Variants in ADAMTSL1 observed in about 807,000 individuals in gnomAD.
The protein encoded by ADAMTSL1 is ADAMTS like 1, also known as ADAMTS-like protein 1.
In ADAMTSL1, 126 loss-of-function variants were observed where a neutral mutation model predicts 201.8. That is an observed-to-expected ratio of 0.62 (90% CI 0.54 to 0.72). The LOEUF (loss-of-function observed/expected upper bound fraction) is 0.72, where lower values mean the gene tolerates loss of function less well. Ranked by LOEUF, ADAMTSL1 falls within the 30% of genes least tolerant of loss-of-function variation. The pLI is 0.00. For missense variants in ADAMTSL1, 2,679 were observed against 2,277.8 expected, an observed-to-expected ratio of 1.18 and a Z score of -3.59; for synonymous variants, 1,121 against 903.4, an observed-to-expected ratio of 1.24 and a Z score of -4.32.
intron 1 of ADAMTSL1, among the ~76,000 whole-genome samples, chr9:18,054,664 G>T (rs1022694187): frequency 1.3e-5 from 2 of 152,242 alleles, no homozygotes; most frequent in Admixed American, 6.5e-5. Flanking sequence ...AGCTCAGAAA[G>T]ATGAAGTGAC....
intron 2 of ADAMTSL1, among the ~76,000 whole-genome samples, chr9:18,447,581 C>G (rs758547950): frequency 6.6e-6 from 1 of 152,156 alleles, no homozygotes; most frequent in Non-Finnish European, 1.5e-5. Context: ...ATGGGGGAAT[C>G]AGGCTGTTAG....
At chr9:18,030,189 C>T (rs1299387933) in intron 1 of ADAMTSL1, among the ~76,000 whole-genome samples, 1 of 152,192 alleles carries the variant, frequency 6.6e-6, no homozygotes, top group African/African-American at 2.4e-5. Flanking sequence ...AAATGTGGCA[C>T]ATATACACCA....
intron 1 of ADAMTSL1, among the ~76,000 whole-genome samples, chr9:18,096,776 C>T (rs1207528631): frequency 6.6e-6 from 1 of 152,138 alleles, no homozygotes; most frequent in Admixed American, 6.5e-5. Flanking sequence ...CTCAAGTCCC[C>T]TTTCAAGTTA....
At chr9:17,908,789 A>G (rs1027096615) in intron 1 of ADAMTSL1, among the ~76,000 whole-genome samples, 7 of 152,196 alleles carry the variant, frequency 4.6e-5, no homozygotes, top group African/African-American at 1.7e-4. Context: ...TCATGGCCCC[A>G]TGTGTCTTTA....
chr9:18,068,396 A>G (rs1447561785), intron 1 of ADAMTSL1, among the ~76,000 whole-genome samples: 1 of 152,228 alleles, frequency 6.6e-6, no homozygotes, highest in Non-Finnish European at 1.5e-5. Context: ...ATTAGGTATT[A>G]TAAGTAATCT....
chr9:18,255,754 C>T (rs1831656976), intron 2 of ADAMTSL1, among the ~76,000 whole-genome samples: 2 of 152,248 alleles, frequency 1.3e-5, no homozygotes, highest in East Asian at 1.9e-4. Flanking sequence ...ATCGTTCTGT[C>T]GAAATCCCAC....
rs751661472 is a variant in ADAMTSL1 at position 18,889,672 on chromosome 9, A to G, written c.4567A>G (p.Asn1523Asp). 22 of 1,606,304 alleles carry G rather than the reference A, an allele frequency of 1.4e-5. No individual in the cohort carries two copies. Among genetic ancestry groups the G allele is most frequent in the Non-Finnish European group, 1.7e-5 (20 of 1,176,200 alleles). Residue 1523 changes from asparagine to aspartate, a missense_variant, in exon 25 of 29, where the codon AAC becomes GAC. Asn to Asp is a conservative substitution (Grantham distance 23). Transcript: ENST00000380548. Reference sequence around the variant, plus strand: ...GTGCCTGCTGAACAGCACGGAGGTCAACCCTGCCCACTGCGCAGGGAAGGT... The same window carrying G: ...GTGCCTGCTGAACAGCACGGAGGTCGACCCTGCCCACTGCGCAGGGAAGGT... The part of the protein sequence containing the change: ...LRCLLNSTEV[N>D]PAHCAGKVRP...
At chr9:18,314,578 T>C (rs954024846) in intron 2 of ADAMTSL1, among the ~76,000 whole-genome samples, 24 of 151,758 alleles carry the variant, frequency 1.6e-4, no homozygotes, top group African/African-American at 5.6e-4. Flanking sequence ...CGTCTGGAGT[T>C]GTTCATCCCT....
intron 1 of ADAMTSL1, among the ~76,000 whole-genome samples, chr9:18,043,570 C>T (rs1821523312): frequency 6.6e-6 from 1 of 151,932 alleles, no homozygotes; most frequent in Non-Finnish European, 1.5e-5. Context: ...TAGGCCTAAC[C>T]CCTACCCCAG....
chr9:18,231,422 C>G (rs112141647), intron 2 of ADAMTSL1, among the ~76,000 whole-genome samples: 1,543 of 152,260 alleles, frequency 0.01, 22 homozygotes, highest in African/African-American at 0.035. Context: ...GACAGGTTGA[C>G]CAACCCCTCC....
chr9:18,905,696 A>G, intron 26 of ADAMTSL1, 86 bp from the exon 27 acceptor site: 1 of 992,654 alleles, frequency 1.0e-6, no homozygotes, highest in Non-Finnish European at 1.5e-6. Flanking sequence ...CTACACAAGG[A>G]TCGTGCATGC....
chr9:18,004,489 C>G (rs1819737891), intron 1 of ADAMTSL1, among the ~76,000 whole-genome samples: 2 of 152,026 alleles, frequency 1.3e-5, no homozygotes, highest in African/African-American at 2.4e-5. Context: ...AGGCGGGGAC[C>G]TGCCACATGC....
At chr9:18,366,036 G>A (rs1486713567) in intron 2 of ADAMTSL1, among the ~76,000 whole-genome samples, 1 of 152,022 alleles carries the variant, frequency 6.6e-6, no homozygotes, top group Non-Finnish European at 1.5e-5. Context: ...AGTCTCTGGT[G>A]ACAAAAAGGT....
intron 9 of ADAMTSL1, among the ~76,000 whole-genome samples, chr9:18,670,444 C>A (rs1459441012): frequency 2.6e-5 from 4 of 152,140 alleles, no homozygotes; most frequent in African/African-American, 9.7e-5. Flanking sequence ...AGCCAATCAC[C>A]CCCGCTTGCC....
chr9:18,219,556 A>G (rs1042631395), intron 2 of ADAMTSL1, among the ~76,000 whole-genome samples: 2 of 151,960 alleles, frequency 1.3e-5, no homozygotes, highest in African/African-American at 2.4e-5. Flanking sequence ...TTTAGTAGAG[A>G]CAGGGTTTCA....
intron 1 of ADAMTSL1, among the ~76,000 whole-genome samples, chr9:17,920,016 G>A (rs1826243785): frequency 6.6e-6 from 1 of 151,968 alleles, no homozygotes; most frequent in Admixed American, 6.6e-5. Context: ...TAGCCATCCT[G>A]GTGAATATGA....
Position 18,002,976 on chromosome 9 carries a change from A to G in ADAMTSL1, c.87+96054A>G, listed in dbSNP as rs76654409. On this transcript the variant is annotated intron_variant, in intron 1 of 29. Transcript: ENST00000680146. ...TTTGACCTTTAGCATCTGTTTACCA[A>G]TACTCTGAATTGCTCATCATCACAT... 6.7e-3 allele frequency among the ~76,000 whole-genome samples: 1,020 copies of G among 152,138 alleles called. 8 individuals are homozygous for G. The highest frequency in any genetic ancestry group is 0.024 in the African/African-American group (978 of 41,546).
chr9:18,442,128 T>G (rs1340584184), intron 2 of ADAMTSL1, among the ~76,000 whole-genome samples: 1 of 152,194 alleles, frequency 6.6e-6, no homozygotes, highest in Non-Finnish European at 1.5e-5. Context: ...TAGATGAAAT[T>G]CAAAATATCT....
At chr9:17,958,375 T>C (rs1280148826) in intron 1 of ADAMTSL1, among the ~76,000 whole-genome samples, 1 of 152,204 alleles carries the variant, frequency 6.6e-6, no homozygotes, top group Non-Finnish European at 1.5e-5. Context: ...TCCCTCCATC[T>C]TGGGAAACAC....
Sources: allele counts gnomAD v4.1 joint callset (sites outside exome capture counted in the v4.1 genomes callset), GRCh38; gene constraint gnomAD v4.1.1; transcripts MANE v1.5; gene names NCBI Gene and HGNC (gene_info 2026-07-23, HGNC 2026-07-21).